The following ARHGAP10 variants were observed in gnomAD, a reference collection of about 807,000 sequenced individuals.
ARHGAP10 encodes the protein Rho GTPase activating protein 10, also known as rho GTPase-activating protein 10.
A neutral mutation model predicts 108.6 loss-of-function variants in ARHGAP10; 87 were observed. The ratio of observed to expected loss-of-function variants is 0.80; its 90% CI spans 0.67 to 0.96. The LOEUF (loss-of-function observed/expected upper bound fraction) is 0.96, where lower values mean the gene tolerates loss of function less well. Ranked by LOEUF, ARHGAP10 falls within the 40% of genes least tolerant of loss-of-function variation. ARHGAP10 has a pLI of 0.00. For synonymous variants in ARHGAP10, 347 were observed against 341.1 expected, an observed-to-expected ratio of 1.02 and a Z score of -0.19; for missense variants, 939 against 954.5, an observed-to-expected ratio of 0.98 and a Z score of 0.21.
chr4:147,879,127 A>G (rs1391674564), intron 8 of ARHGAP10, 105 bp from the exon 9 acceptor site: 4 of 832,320 alleles, frequency 4.8e-6, no homozygotes, highest in Non-Finnish European at 7.5e-6. Context: ...ATTCAGCTGT[A>G]TTCGTTGCTG....
intron 18 of ARHGAP10, among the ~76,000 whole-genome samples, chr4:147,997,164 A>C (rs1740508801): frequency 6.6e-6 from 1 of 152,214 alleles, no homozygotes; most frequent in Non-Finnish European, 1.5e-5. Context: ...AAAAGTGTTA[A>C]CAAAGCTGTC....
At chr4:148,052,297 C>T (rs1005902932) in intron 20 of ARHGAP10, among the ~76,000 whole-genome samples, 10 of 142,720 alleles carry the variant, frequency 7.0e-5, no homozygotes, top group Non-Finnish European at 1.0e-4. Flanking sequence ...AGGGCCAGGA[C>T]ACTCAGTTCA....
chr4:147,899,672 T>A (rs1352557792), intron 10 of ARHGAP10, among the ~76,000 whole-genome samples: 1 of 152,070 alleles, frequency 6.6e-6, no homozygotes. Context: ...GAAGTTACTA[T>A]AAAGACTTGA....
intron 18 of ARHGAP10, among the ~76,000 whole-genome samples, chr4:148,008,939 C>T (rs1741060169): frequency 6.6e-6 from 1 of 152,000 alleles, no homozygotes; most frequent in South Asian, 2.1e-4. Flanking sequence ...TGATAAAATG[C>T]CCTTCTCACT....
intron 10 of ARHGAP10, among the ~76,000 whole-genome samples, chr4:147,883,209 G>T (rs1331235913): frequency 6.6e-6 from 1 of 152,168 alleles, no homozygotes; most frequent in East Asian, 1.9e-4. Context: ...GTTTTGCCAA[G>T]ATAGGAAAAA....
intron 1 of ARHGAP10, among the ~76,000 whole-genome samples, chr4:147,799,678 A>G (rs1369050260): frequency 1.3e-5 from 2 of 152,122 alleles, no homozygotes; most frequent in Admixed American, 6.5e-5. Context: ...AAATAATTTC[A>G]CTTCTGAGAT....
At chr4:147,766,298 A>T (rs1231080001) in intron 1 of ARHGAP10, among the ~76,000 whole-genome samples, 1 of 150,000 alleles carries the variant, frequency 6.7e-6, no homozygotes, top group African/African-American at 2.5e-5. Flanking sequence ...TGAGGTGGGT[A>T]AAAAAGGTCG....
At chr4:147,840,161 T>C (rs759035207) in intron 3 of ARHGAP10, among the ~76,000 whole-genome samples, 12 of 152,038 alleles carry the variant, frequency 7.9e-5, no homozygotes, top group Admixed American at 1.3e-4. Context: ...TGCTTGGTTA[T>C]GTGGAGGGAG....
At chr4:147,874,678 C>G (rs750613736) in intron 7 of ARHGAP10, among the ~76,000 whole-genome samples, 3 of 152,166 alleles carry the variant, frequency 2.0e-5, no homozygotes, top group Non-Finnish European at 4.4e-5. Flanking sequence ...TATATTAAAA[C>G]CTAACTTATG....
intron 19 of ARHGAP10, among the ~76,000 whole-genome samples, chr4:148,024,155 G>A (rs1395604120): frequency 6.6e-6 from 1 of 152,218 alleles, no homozygotes; most frequent in Non-Finnish European, 1.5e-5. Context: ...GGTTATTGGT[G>A]TGGAGAATAA....
At chr4:147,989,275 G>T (rs142731783) in intron 18 of ARHGAP10, among the ~76,000 whole-genome samples, 1 of 152,222 alleles carries the variant, frequency 6.6e-6, no homozygotes. Context: ...GAGGCAGGGC[G>T]AGATCACAGG....
intron 4 of ARHGAP10, among the ~76,000 whole-genome samples, chr4:147,850,639 G>A (rs111407604): frequency 0.063 from 9,580 of 151,982 alleles, 963 homozygotes; most frequent in African/African-American, 0.21. Flanking sequence ...GACAAACTCC[G>A]GACACACCAT....
chr4:147,757,703 T>G (rs895138944), intron 1 of ARHGAP10, among the ~76,000 whole-genome samples: 3 of 152,250 alleles, frequency 2.0e-5, no homozygotes, highest in African/African-American at 7.2e-5. Flanking sequence ...CTTCCACGAC[T>G]GCACACCTGG....
intron 4 of ARHGAP10, among the ~76,000 whole-genome samples, chr4:147,851,194 T>TATC (rs1443317824): frequency 5.3e-5 from 8 of 152,136 alleles, no homozygotes; most frequent in African/African-American, 1.9e-4. Context: ...AATTATGACT[T>TATC]ATCACCTAAG....
chr4:148,035,650 G>GC (rs765189950), intron 19 of ARHGAP10, among the ~76,000 whole-genome samples: 4 of 152,202 alleles, frequency 2.6e-5, no homozygotes, highest in Non-Finnish European at 5.9e-5. Context: ...ACTTGAGCTT[G>GC]CAGTGTAACT....
chr4:147,970,338 G>C (rs1349122433), intron 18 of ARHGAP10, among the ~76,000 whole-genome samples: 1 of 151,870 alleles, frequency 6.6e-6, no homozygotes, highest in African/African-American at 2.4e-5. Context: ...TAGTGTTTCA[G>C]GACAAGATGA....
At chr4:147,854,544 G>C (rs1241720378) in intron 4 of ARHGAP10, among the ~76,000 whole-genome samples, 2 of 151,990 alleles carry the variant, frequency 1.3e-5, no homozygotes, top group African/African-American at 4.8e-5. Flanking sequence ...CTTGATCCTT[G>C]TTGGAACTTT....
intron 18 of ARHGAP10, among the ~76,000 whole-genome samples, chr4:147,997,436 AAAC>A (rs1740517602): frequency 1.3e-5 from 2 of 152,362 alleles, no homozygotes; most frequent in South Asian, 4.1e-4. Context: ...CAGACATCCA[AAAC>A]AACATTTCAA....
chr4:147,946,743 T>C (rs771466954), intron 15 of ARHGAP10, 39 bp downstream of exon 15: 50 of 1,467,974 alleles, frequency 3.4e-5, no homozygotes, highest in Non-Finnish European at 4.4e-5. Context: ...GAATGGACTA[T>C]TTGGATCTGT....
Sources: allele counts gnomAD v4.1 joint callset (sites outside exome capture counted in the v4.1 genomes callset), GRCh38; gene constraint gnomAD v4.1.1; transcripts MANE v1.5; gene names NCBI Gene and HGNC (gene_info 2026-07-23, HGNC 2026-07-21).